Variants in CTSD observed in about 807,000 individuals in gnomAD.
CTSD encodes the protein ceroid-lipofuscinosis, neuronal 10.
Under a neutral mutation model 43.6 loss-of-function variants are expected in CTSD, and 28 were observed. That is an observed-to-expected ratio of 0.64 (90% confidence interval 0.48 to 0.88). The LOEUF is 0.88. Among genes scored for constraint, CTSD ranks in the 40% least tolerant of loss-of-function variants. CTSD has a pLI of 0.00. For synonymous variants in CTSD, 270 were observed against 249.8 expected, an observed-to-expected ratio of 1.08 and a Z score of -0.76; for missense variants, 485 against 555.2, an observed-to-expected ratio of 0.87 and a Z score of 1.27.
chr11:1,759,586 G>A lies in CTSD; in HGVS notation c.282C>T (p.Val94=), dbSNP rs1002089381. The A allele has an allele frequency of 1.2e-6, 2 of 1,613,570 alleles. No homozygotes were observed. Among genetic ancestry groups the A allele is most frequent in the African/African-American group, 1.3e-5 (1 of 75,076 alleles). Residue 94 remains valine, a synonymous_variant, in exon 3 of 9, where the codon GTC becomes GTT. Transcript: ENST00000236671. Reference sequence around the variant, plus strand: ...GGTTGGAGGAGCCCGTGTCGAAGACGACTGTGAAGCACTGGGGGGGCGTCC... The same window carrying A: ...GGTTGGAGGAGCCCGTGTCGAAGACAACTGTGAAGCACTGGGGGGGCGTCC... ...GIGTPPQCFT[V]VFDTGSSNLW...
chr11:1,758,460 G>A (rs1845835321), intron 4 of CTSD, among the ~76,000 whole-genome samples: 1 of 152,142 alleles, frequency 6.6e-6, no homozygotes, highest in Non-Finnish European at 1.5e-5. Flanking sequence ...TCTGCACAGG[G>A]CCCTGAGGAT....
intron 1 of CTSD, 42 bp downstream of exon 1, chr11:1,763,750 C>T: frequency 6.7e-7 from 1 of 1,500,904 alleles, no homozygotes; most frequent in East Asian, 2.6e-5. Context: ...CTCGGCGCCG[C>T]GACCCCTGCC....
rs553205241 is a variant in CTSD, at chr11:1,755,186, G to A, written c.705-158C>T. ...TGGAAAGGCCCAGAAGGCAGGAGGA[G>A]GGACAGACTCCCTTCTTCCCGGGGT... On this transcript the variant is annotated intron_variant, in intron 5 of 8. Transcript: ENST00000236671. 20 of 850,196 alleles carry A rather than the reference G, an allele frequency of 2.4e-5. No individual in the cohort carries two copies. In the South Asian group the frequency reaches 2.4e-4, roughly 10 times the overall value. 52.7% of individuals were successfully genotyped at this position (850,196 alleles called of 1,614,324 possible). A position where few individuals can be genotyped will look rare whatever the true frequency, so the allele number is the denominator to read the frequency against.
chr11:1,759,229 CCCA>C (rs1426718148), intron 3 of CTSD, 142 bp from the exon 4 acceptor site: 26 of 877,026 alleles, frequency 3.0e-5, no homozygotes, highest in African/African-American at 4.9e-5. Flanking sequence ...GGATCTGAGG[CCCA>C]CCATCATGCC....
Position 1,754,909 on chromosome 11 carries a change from T to C in CTSD, c.824A>G (p.Asp275Gly). The part of the protein sequence containing the change: ...TRKAYWQVHL[D>G]QVEVASGLTL... ...GCCGACTGCAGCCACTACTCACTGG[T>C]CCAGGTGGACCTGCCAGTAGGCCTT... Residue 275 changes from aspartate to glycine, a missense_variant, in exon 6 of 9, where the codon GAC (aspartate) becomes GGC (glycine). Physicochemically the swap from Asp to Gly is moderately conservative, Grantham distance 94 (BLOSUM62 -1). Transcript: ENST00000236671. 1 of 1,613,734 alleles carries C rather than the reference T, an allele frequency of 6.2e-7. No individual in the cohort carries two copies.
intron 1 of CTSD, among the ~76,000 whole-genome samples, chr11:1,762,744 G>A (rs919570614): frequency 1.3e-5 from 2 of 152,198 alleles, no homozygotes; most frequent in South Asian, 2.1e-4. Context: ...TCCTTGGAGA[G>A]GGGAGGCCTG....
intron 5 of CTSD, among the ~76,000 whole-genome samples, chr11:1,756,140 CTG>C (rs1181924202): frequency 6.6e-6 from 1 of 151,224 alleles, no homozygotes; most frequent in Non-Finnish European, 1.5e-5. Flanking sequence ...GGCACTCATG[CTG>C]TGTGCCCCTC....
chr11:1,760,908 G>C, intron 2 of CTSD: 1 of 313,882 alleles, frequency 3.2e-6, no homozygotes, highest in South Asian at 2.7e-5. Context: ...GTGGGCACAG[G>C]AGGGGCTGTT....
intron 1 of CTSD, chr11:1,763,556 T>G: frequency 8.0e-6 from 4 of 499,876 alleles, no homozygotes; most frequent in East Asian, 3.7e-5. Context: ...CAGGGTGGCA[T>G]ATGGGGGAGA....
At chr11:1,754,231 C>T (rs761119483) in intron 6 of CTSD, 93 bp from the exon 7 acceptor site, 71 of 1,437,012 alleles carry the variant, frequency 4.9e-5, no homozygotes, top group Non-Finnish European at 6.6e-5. Flanking sequence ...CCTGGCTGGG[C>T]TGCACTCTCC....
intron 6 of CTSD, among the ~76,000 whole-genome samples, chr11:1,754,498 GT>G (rs1484468900): frequency 1.5e-5 from 2 of 132,848 alleles, no homozygotes; most frequent in African/African-American, 2.9e-5. Flanking sequence ...ACAGAGGGAT[GT>G]GGGGATGGAG....
At position 1,753,974 on chromosome 11, in the gene CTSD, C is replaced by T. The variant is rs1166823837; in HGVS notation, c.972+20G>A. 1.2e-6 allele frequency: 2 copies of T among 1,606,584 alleles called. No individual in the cohort carries two copies. Among genetic ancestry groups the T allele is most frequent in the Non-Finnish European group, 1.7e-6 (2 of 1,177,496 alleles). On this transcript the variant is annotated intron_variant, in intron 7 of 8. Transcript: ENST00000236671. The stretch of plus-strand genomic sequence containing the variant: ...CTCCCCCTGCCAGCCCCAGCCCCAG[C>T]CCCAGCCCCCGGCGCTCACCTCGCC...
chr11:1,763,676 CG>C, intron 1 of CTSD, 115 bp downstream of exon 1: 2 of 1,017,968 alleles, frequency 2.0e-6, no homozygotes, highest in Admixed American at 3.0e-5. Context: ...CATTCCAGCG[CG>C]GGGGGCGCAA....
chr11:1,762,811 A>C (rs1323709027), intron 1 of CTSD, among the ~76,000 whole-genome samples: 1 of 152,084 alleles, frequency 6.6e-6, no homozygotes, highest in Non-Finnish European at 1.5e-5. Flanking sequence ...CCCCACAACG[A>C]CTTTAATTGG....
intron 6 of CTSD, 124 bp from the exon 7 acceptor site, chr11:1,754,262 G>T: frequency 8.6e-7 from 1 of 1,165,224 alleles, no homozygotes; most frequent in Non-Finnish European, 1.2e-6. Flanking sequence ...GCTCCTGGAA[G>T]CACAGCCGGC....
chr11:1,763,730 G>T, intron 1 of CTSD, 62 bp downstream of exon 1: 1 of 1,435,176 alleles, frequency 7.0e-7, no homozygotes, highest in Non-Finnish European at 9.3e-7. Context: ...GTCACCACAG[G>T]CCCCGGGACC....
chr11:1,754,787 G>A, intron 6 of CTSD, 119 bp downstream of exon 6: 2 of 1,231,900 alleles, frequency 1.6e-6, no homozygotes, highest in Non-Finnish European at 2.2e-6. Context: ...TCTCTTTCTT[G>A]CCCAGCTCCC....
chr11:1,759,493 C>A, intron 3 of CTSD, 23 bp downstream of exon 3: 2 of 1,612,608 alleles, frequency 1.2e-6, no homozygotes, highest in Non-Finnish European at 1.7e-6. Context: ...ACCTGGGCGA[C>A]GGGGCCAGGG....
At chr11:1,759,237 C>T (rs112468804) in intron 3 of CTSD, 150 bp from the exon 4 acceptor site, 14 of 870,604 alleles carry the variant, frequency 1.6e-5, no homozygotes, top group African/African-American at 6.6e-5. Context: ...GGCCCACCAT[C>T]ATGCCAGAGC....
Sources: gnomAD v4.1 joint callset for allele counts (sites outside exome capture counted in the v4.1 genomes callset) on GRCh38, gnomAD v4.1.1 for gene constraint, MANE v1.5 for transcripts, NCBI Gene and HGNC (gene_info 2026-07-23, HGNC 2026-07-21) for gene names.